TNIK: variants seen among roughly 807,000 people sequenced by gnomAD.
TNIK encodes the protein TRAF2 and NCK interacting kinase.
A neutral mutation model predicts 191.3 loss-of-function variants in TNIK; 49 were observed. The ratio of observed to expected loss-of-function variants is 0.26; its 90% CI spans 0.20 to 0.32. The LOEUF (loss-of-function observed/expected upper bound fraction) is 0.32. TNIK is among the 10% of genes least tolerant of loss of function. The probability of loss-of-function intolerance (pLI) is 1.00; values close to 1 mark genes in which losing one functional copy is unlikely to be tolerated. For synonymous variants in TNIK, 594 were observed against 600.9 expected, an observed-to-expected ratio of 0.99 and a Z score of 0.17; for missense variants, 1,155 against 1,702.3, an observed-to-expected ratio of 0.68 and a Z score of 5.66.
chr3:171,159,241 G>A lies in TNIK; in HGVS notation c.1017-1577C>T, dbSNP rs1435967369. On this transcript the variant is annotated intron_variant, in intron 11 of 32. Coordinates refer to ENST00000436636, the MANE Select transcript of TNIK (RefSeq NM_015028.4). This position sits in a 1 kb window ranked among gnomAD's most constrained non-coding sequence, Gnocchi z 4.1. ...AGGAGCGTTTGGGGATAGAGGTCACGAAGCCTGTGGACAGATCTGACATGT... is the reference window on the plus strand; with the variant it reads ...AGGAGCGTTTGGGGATAGAGGTCACAAAGCCTGTGGACAGATCTGACATGT... Among the ~76,000 whole-genome samples the A allele has an allele frequency of 1.3e-5, 2 of 151,958 alleles. No individual in the cohort carries two copies. Among genetic ancestry groups the A allele is most frequent in the African/African-American group, 4.8e-5 (2 of 41,356 alleles).
At chr3:171,148,084 C>A (rs1731885318) in intron 12 of TNIK, among the ~76,000 whole-genome samples, 1 of 152,144 alleles carries the variant, frequency 6.6e-6, no homozygotes, top group African/African-American at 2.4e-5. Context: ...TCCTTTCTTT[C>A]TACACCTACT....
At chr3:171,414,412 T>C (rs1722789392) in intron 1 of TNIK, among the ~76,000 whole-genome samples, 1 of 152,248 alleles carries the variant, frequency 6.6e-6, no homozygotes, top group African/African-American at 2.4e-5. Context: ...GAGAGCTAGA[T>C]AATAGACTGC....
chr3:171,082,424 A>G, intron 26 of TNIK, 30 bp from the exon 27 acceptor site: 1 of 1,599,044 alleles, frequency 6.3e-7, no homozygotes, highest in African/African-American at 1.3e-5. Context: ...CCTAAGACTG[A>G]CTTTTCATGA....
intron 18 of TNIK, among the ~76,000 whole-genome samples, chr3:171,112,220 G>T (rs890849278): frequency 6.6e-6 from 1 of 152,032 alleles, no homozygotes; most frequent in Admixed American, 6.6e-5. Context: ...GTAAAGCTAG[G>T]GGGGACAAAA....
rs376209477 is a variant in TNIK, at chr3:171,082,309, C to G, written c.3255G>C (p.Arg1085=). 19 of 1,613,752 alleles carry G rather than the reference C, an allele frequency of 1.2e-5. No homozygotes were observed. The highest frequency in any genetic ancestry group is 1.7e-5 in the Admixed American group (1 of 59,992). Residue 1085 remains arginine, a synonymous_variant, in exon 27 of 33, where the codon CGG becomes CGC. Coordinates refer to ENST00000436636, the MANE Select transcript of TNIK (RefSeq NM_015028.4). ...GQGKVYNLIN[R]RRFQQMDVLE... is the part of the protein sequence containing the mutation. ...GCACATCCATCTGCTGAAATCGCCTCCGGTTGATCAGATTATAGACTTTGC... is the reference window on the plus strand; with the variant it reads ...GCACATCCATCTGCTGAAATCGCCTGCGGTTGATCAGATTATAGACTTTGC...
At chr3:171,229,658 TC>T (rs561635466) in intron 2 of TNIK, among the ~76,000 whole-genome samples, 45 of 152,310 alleles carry the variant, frequency 3.0e-4, no homozygotes, top group Admixed American at 4.6e-4. Flanking sequence ...CCCTTTAACT[TC>T]TGCCCACTCT....
At chr3:171,357,551 CTTTTTTT>C (rs77632080) in intron 2 of TNIK, among the ~76,000 whole-genome samples, 3 of 126,932 alleles carry the variant, frequency 2.4e-5, no homozygotes, top group Non-Finnish European at 3.3e-5. Context: ...AGCCTCTGTA[CTTTTTTT>C]TTTTTTTTTT....
chr3:171,266,239 A>T (rs1577298840), intron 2 of TNIK, among the ~76,000 whole-genome samples: 2 of 152,366 alleles, frequency 1.3e-5, no homozygotes. Flanking sequence ...AGAAAATGAA[A>T]CAAAAGTATT....
In TNIK at chr3:171,063,596, T is replaced by C. The variant is rs936428523; in HGVS notation, c.*285A>G. ...TCGTTAAGAGCACACAATATTTGTT[T>C]CTATCCCTAATTCCGAAGGGCACAT... On this transcript the variant is annotated 3_prime_UTR_variant, in exon 33 of 33. Transcript: ENST00000436636. 3.3e-6 allele frequency: 1 copy of C among 304,174 alleles called. No homozygotes were observed. The highest frequency in any genetic ancestry group is 2.2e-5 in the African/African-American group (1 of 46,020). 18.8% of individuals were successfully genotyped at this position (304,174 alleles called of 1,614,324 possible). A position where few individuals can be genotyped will look rare whatever the true frequency, so the allele number is the denominator to read the frequency against.
intron 2 of TNIK, among the ~76,000 whole-genome samples, chr3:171,303,122 C>G (rs533332829): frequency 6.6e-6 from 1 of 152,110 alleles, no homozygotes; most frequent in African/African-American, 2.4e-5. Context: ...TTATCACACA[C>G]GTAAAAAATA....
At chr3:171,382,446 C>A (rs2108523506) in intron 1 of TNIK, among the ~76,000 whole-genome samples, 1 of 152,298 alleles carries the variant, frequency 6.6e-6, no homozygotes, top group South Asian at 2.1e-4. Context: ...GTCTCAAACT[C>A]CTGACCTCAG....
At chr3:171,344,566 A>T (rs1302866263) in intron 2 of TNIK, among the ~76,000 whole-genome samples, 1 of 152,206 alleles carries the variant, frequency 6.6e-6, no homozygotes, top group African/African-American at 2.4e-5. Flanking sequence ...GCTAAGTATT[A>T]GGTGACCGGA....
At chr3:171,458,379 A>G (rs1440847490) in intron 1 of TNIK, among the ~76,000 whole-genome samples, 1 of 152,124 alleles carries the variant, frequency 6.6e-6, no homozygotes, top group Non-Finnish European at 1.5e-5. Context: ...TTTCCACTCC[A>G]GGGAAATAGA....
intron 2 of TNIK, among the ~76,000 whole-genome samples, chr3:171,290,635 A>G (rs1344644892): frequency 6.6e-6 from 1 of 152,198 alleles, no homozygotes; most frequent in Non-Finnish European, 1.5e-5. Flanking sequence ...TCATCTTTGT[A>G]ATTTGCCAGA....
At chr3:171,238,272 C>T (rs1227032148) in intron 2 of TNIK, among the ~76,000 whole-genome samples, 1 of 151,426 alleles carries the variant, frequency 6.6e-6, no homozygotes, top group South Asian at 2.1e-4. Flanking sequence ...TATGATTGTG[C>T]CACTGCACTC....
At chr3:171,139,378 G>GCACACA (rs34521732) in intron 14 of TNIK, 92 bp downstream of exon 14, 54,627 of 684,916 alleles carry the variant, frequency 0.08, 852 homozygotes, top group Non-Finnish European at 0.094. Flanking sequence ...ACGCACGCGC[G>GCACACA]CACACACACA....
intron 2 of TNIK, among the ~76,000 whole-genome samples, chr3:171,239,273 ACAGT>A (rs1744670192): frequency 6.6e-6 from 1 of 152,236 alleles, no homozygotes; most frequent in African/African-American, 2.4e-5. Flanking sequence ...TAAAAATGTA[ACAGT>A]CAATGACAAG....
At chr3:171,101,391 C>A in intron 22 of TNIK, 58 bp downstream of exon 22, 1 of 1,519,064 alleles carries the variant, frequency 6.6e-7, no homozygotes, top group Non-Finnish European at 8.8e-7. Flanking sequence ...TTTTTTTGTC[C>A]TTTTATTTTG....
chr3:171,089,824 C>G (rs945789374), intron 23 of TNIK, among the ~76,000 whole-genome samples: 1 of 152,174 alleles, frequency 6.6e-6, no homozygotes, highest in Non-Finnish European at 1.5e-5. Flanking sequence ...CACCACATGC[C>G]AAGTACTGTG....
Sources: allele counts gnomAD v4.1 joint callset (sites outside exome capture counted in the v4.1 genomes callset), GRCh38; gene constraint gnomAD v4.1.1; non-coding constraint Gnocchi (gnomAD v3.1); transcripts MANE v1.5; gene names NCBI Gene and HGNC (gene_info 2026-07-23, HGNC 2026-07-21).